The following BTBD2 variants were observed in gnomAD, a reference collection of about 807,000 sequenced individuals.
BTBD2 encodes BTB/POZ domain-containing protein 2.
A neutral mutation model predicts 44.0 loss-of-function variants in BTBD2; 15 were observed. The ratio of observed to expected loss-of-function variants is 0.34; its 90% CI spans 0.23 to 0.53. The LOEUF is 0.53. BTBD2 is among the 20% of genes least tolerant of loss of function. The pLI is 0.95. For synonymous variants in BTBD2, 443 were observed against 335.9 expected (o/e 1.32, Z -3.49); for missense variants, 657 against 746.4 (o/e 0.88, Z 1.39).
intron 1 of BTBD2, among the ~76,000 whole-genome samples, chr19:1,999,705 A>G (rs1201842977): frequency 6.6e-6 from 1 of 151,748 alleles, no homozygotes; most frequent in Non-Finnish European, 1.5e-5. Context: ...TCACGCCTGT[A>G]ATCCCACCAC....
rs575845390 is a variant in BTBD2, at chr19:1,997,421, G to A, written c.450C>T (p.Phe150=). The A allele has an allele frequency of 1.2e-5, 19 of 1,614,172 alleles. No individual in the cohort carries two copies. The African/African-American group carries it at 2.3e-4, about 19-fold the overall frequency. The change falls in exon 2 of 9, where the codon TTC becomes TTT. Residue 150 remains phenylalanine (F), a synonymous_variant. Transcript: ENST00000255608. ...AVGSAVFDAM[F]NGGMATTSTE... is the part of the protein sequence containing the mutation. ...TGGATGTTGTGGCCATTCCCCCGTTGAACATGGCATCAAAGACGGCGCTGC... is the reference window on the plus strand; with the variant it reads ...TGGATGTTGTGGCCATTCCCCCGTTAAACATGGCATCAAAGACGGCGCTGC...
intron 2 of BTBD2, among the ~76,000 whole-genome samples, chr19:1,995,633 T>C (rs2145630378): frequency 6.9e-6 from 1 of 145,420 alleles, no homozygotes; most frequent in Admixed American, 6.9e-5. Context: ...ATTTTGGACT[T>C]TGATCTATTT....
At chr19:1,997,264 G>A in intron 2 of BTBD2, 80 bp downstream of exon 2, 1 of 1,587,536 alleles carries the variant, frequency 6.3e-7, no homozygotes, top group Non-Finnish European at 8.6e-7. Context: ...CCTCTGAGCT[G>A]GTGTCAGACA....
chr19:2,001,390 G>A (rs1385929008), intron 1 of BTBD2, among the ~76,000 whole-genome samples: 1 of 152,180 alleles, frequency 6.6e-6, no homozygotes, highest in African/African-American at 2.4e-5. Context: ...TACTCAGGAG[G>A]CTGAGGCAGG....
At chr19:2,010,779 C>T (rs1044705600) in intron 1 of BTBD2, among the ~76,000 whole-genome samples, 1 of 152,086 alleles carries the variant, frequency 6.6e-6, no homozygotes, top group Admixed American at 6.6e-5. Context: ...GCTGGGATTA[C>T]AGGTGCGTGC....
At chr19:2,012,528 T>A (rs2016480043) in intron 1 of BTBD2, among the ~76,000 whole-genome samples, 1 of 152,214 alleles carries the variant, frequency 6.6e-6, no homozygotes, top group Non-Finnish European at 1.5e-5. Context: ...ATTGACCAAG[T>A]GTCCTCACAA....
In BTBD2 at chr19:1,987,420, A is replaced by G; in HGVS notation, c.1181+80T>C. The G allele has an allele frequency of 7.2e-6, 3 of 418,998 alleles. No individual in the cohort carries two copies. The South Asian group carries it at 9.4e-5, about 13-fold the overall frequency. 26.0% of individuals were successfully genotyped at this position (418,998 alleles called of 1,614,324 possible). ...CATCATCCCTGAGTTCTCCACCCCC[A>G]TGCCCGGCCCCCCATCTCCGTCATC... On this transcript the variant is annotated intron_variant, in intron 6 of 8. Transcript: ENST00000255608.
intron 2 of BTBD2, 148 bp from the exon 3 acceptor site, chr19:1,993,324 C>T: frequency 8.2e-7 from 1 of 1,219,378 alleles, no homozygotes. Context: ...CCCCGAGGAA[C>T]CTTCCAGAAT....
Position 1,998,891 on chromosome 19 carries a change from G to A in BTBD2, c.408-1428C>T, listed in dbSNP as rs923201507. On this transcript the variant is annotated intron_variant, in intron 1 of 8. Transcript: ENST00000255608. ...CGGAGCACCTGCCCCAGGACGTTGC[G>A]GTCCCTGCGTCACCTCTTCCCCACC... Among the ~76,000 whole-genome samples, 5 of 152,054 alleles carry A rather than the reference G, an allele frequency of 3.3e-5. No homozygotes were observed. The South Asian group carries it at 6.2e-4, about 19-fold the overall frequency.
At chr19:2,007,616 G>A (rs1405763390) in intron 1 of BTBD2, among the ~76,000 whole-genome samples, 1 of 152,142 alleles carries the variant, frequency 6.6e-6, no homozygotes, top group Non-Finnish European at 1.5e-5. Context: ...ATAGCCTGAG[G>A]TCAGGAGTTT....
At chr19:1,997,909 TATTC>T (rs576006919) in intron 1 of BTBD2, among the ~76,000 whole-genome samples, 144 of 152,342 alleles carry the variant, frequency 9.5e-4, no homozygotes, top group Admixed American at 2.0e-3. Context: ...TTCATTCACA[TATTC>T]ATTCATTAAC....
chr19:1,989,878 A>T, intron 5 of BTBD2, 126 bp downstream of exon 5: 1 of 1,102,420 alleles, frequency 9.1e-7, no homozygotes, highest in Non-Finnish European at 1.3e-6. Context: ...GTTTCTTCCT[A>T]TCTGTATATG....
intron 2 of BTBD2, 79 bp downstream of exon 2, chr19:1,997,265 G>A (rs891593686): frequency 1.3e-6 from 2 of 1,589,856 alleles, no homozygotes; most frequent in Non-Finnish European, 1.7e-6. Context: ...CTCTGAGCTG[G>A]TGTCAGACAG....
chr19:2,015,333 C>A lies in BTBD2; in HGVS notation c.371G>T (p.Gly124Val). The change falls in exon 1 of 9, where the codon GGC becomes GTC. Residue 124 changes from glycine to valine, a missense_variant. Gly to Val is a moderately radical substitution (Grantham distance 109). Transcript: ENST00000255608. ...GATGCGCTGCGAGCTGAGCCCCTTG[C>A]CCACCAGGAAGTGCACGTCGCACAG... ...EVLCDVHFLV[G>V]KGLSSQRIPA... is the part of the protein sequence containing the mutation. The A allele has an allele frequency of 6.3e-7, 1 of 1,580,400 alleles. No homozygotes were observed. Among genetic ancestry groups the A allele is most frequent in the South Asian group, 1.1e-5 (1 of 88,714 alleles).
intron 1 of BTBD2, among the ~76,000 whole-genome samples, chr19:2,013,265 C>T (rs916525976): frequency 6.6e-6 from 1 of 152,208 alleles, no homozygotes; most frequent in African/African-American, 2.4e-5. Flanking sequence ...CCAGCCCCTG[C>T]CCCCGACCAA....
intron 1 of BTBD2, among the ~76,000 whole-genome samples, chr19:2,011,230 GCCT>G (rs781461463): frequency 6.6e-6 from 1 of 151,916 alleles, no homozygotes; most frequent in African/African-American, 2.4e-5. Context: ...CTGCCAAGCT[GCCT>G]CCTCTCCTGG....
intron 2 of BTBD2, among the ~76,000 whole-genome samples, 191 bp downstream of exon 2, chr19:1,997,153 C>G (rs2016261692): frequency 6.6e-6 from 1 of 151,954 alleles, no homozygotes; most frequent in Admixed American, 6.6e-5. Flanking sequence ...GCACTCCAGC[C>G]TGGGCAACAG....
At chr19:1,997,575 C>A in intron 1 of BTBD2, 112 bp from the exon 2 acceptor site, 1 of 1,484,128 alleles carries the variant, frequency 6.7e-7, no homozygotes. Context: ...TGCCAGCCTC[C>A]AGCAGGCATG....
intron 1 of BTBD2, among the ~76,000 whole-genome samples, chr19:2,004,110 G>C (rs2016364092): frequency 6.6e-6 from 1 of 151,772 alleles, no homozygotes; most frequent in Admixed American, 6.6e-5. Context: ...GCCCCTCCCA[G>C]CTAAGAGTTT....
Sources: gnomAD v4.1 joint callset for allele counts (sites outside exome capture counted in the v4.1 genomes callset) on GRCh38, gnomAD v4.1.1 for gene constraint, MANE v1.5 for transcripts, NCBI Gene and HGNC (gene_info 2026-07-23, HGNC 2026-07-21) for gene names.